The following CNKSR3 variants were observed in gnomAD, a reference collection of about 807,000 sequenced individuals.
CNKSR3 encodes the protein CNKSR family member 3.
Under a neutral mutation model 67.7 loss-of-function variants are expected in CNKSR3, and 36 were observed. The ratio of observed to expected loss-of-function variants is 0.53; its 90% confidence interval spans 0.41 to 0.70. The LOEUF (loss-of-function observed/expected upper bound fraction) is 0.70. CNKSR3 is among the 30% of genes least tolerant of loss of function. The pLI is 0.00. For missense variants in CNKSR3, 630 were observed against 695.2 expected, an observed-to-expected ratio of 0.91 and a Z score of 1.05; for synonymous variants, 281 against 271.4, an observed-to-expected ratio of 1.04 and a Z score of -0.35.
At chr6:154,506,877 G>A (rs887301859) in intron 1 of CNKSR3, among the ~76,000 whole-genome samples, 4 of 152,178 alleles carry the variant, frequency 2.6e-5, no homozygotes, top group South Asian at 2.1e-4. Flanking sequence ...AGACTCCTCC[G>A]CTACCATATG....
intron 1 of CNKSR3, among the ~76,000 whole-genome samples, chr6:154,473,745 T>G (rs1786381342): frequency 6.6e-6 from 1 of 152,054 alleles, no homozygotes; most frequent in Non-Finnish European, 1.5e-5. Flanking sequence ...GCTGTGCAAC[T>G]TAGACAATCA....
chr6:154,439,872 C>T (rs1582861290), intron 4 of CNKSR3, among the ~76,000 whole-genome samples: 2 of 152,128 alleles, frequency 1.3e-5, no homozygotes, highest in South Asian at 4.1e-4. Context: ...ACCTAAGCAA[C>T]AGAGTGAGAC....
rs149496201 is a variant in CNKSR3, at chr6:154,389,501, T to C, written c.*16853A>G. ...TGTTTTGATTACTGTAGTTTTGTTA[T>C]ACATTCTGAAATCAAGCAATGTGAT... is the stretch of plus-strand genomic sequence containing the variant. On this transcript the variant is annotated 3_prime_UTR_variant, in exon 13 of 13. Transcript: ENST00000607772. The C allele has an allele frequency of 1.1e-4, 17 of 152,350 alleles. No individual in the cohort carries two copies. The highest frequency in any genetic ancestry group is 1.8e-4 in the Non-Finnish European group (12 of 68,034). The allele number at this position is 152,350 out of a possible 1,614,324, so 9.4% of individuals were successfully genotyped here.
Position 154,410,379 on chromosome 6 carries a change from C to T in CNKSR3, c.1333G>A (p.Asp445Asn). The change falls in exon 12 of 13, where the codon GAC becomes AAC. Residue 445 changes from aspartate to asparagine, a missense_variant. This residue lies in a region of CNKSR3 where 308 missense variants were observed against 299.6 expected (regional missense o/e 1.03). Coordinates refer to ENST00000607772, the MANE Select transcript of CNKSR3 (RefSeq NM_173515.4). ...TGACCTCGAGGTCTGGCAAAAGGGT[C>T]CACAATCCCCATCCAGTTCCCATCA... ...PADGNWMGIV[D>N]PFARPRGHGR... is the part of the protein sequence containing the mutation. 3 of 1,614,092 alleles carry T rather than the reference C, an allele frequency of 1.9e-6. No individual in the cohort carries two copies. The highest frequency in any genetic ancestry group is 2.5e-6 in the Non-Finnish European group (3 of 1,179,986).
chr6:154,498,556 A>G (rs1450486313), intron 1 of CNKSR3, among the ~76,000 whole-genome samples: 4 of 152,134 alleles, frequency 2.6e-5, no homozygotes, highest in Admixed American at 2.6e-4. Flanking sequence ...TCACGCCCCC[A>G]CACTGCAACT....
At chr6:154,509,711 G>A (rs909883405) in intron 1 of CNKSR3, among the ~76,000 whole-genome samples, 2 of 152,226 alleles carry the variant, frequency 1.3e-5, no homozygotes, top group South Asian at 2.1e-4. Flanking sequence ...GGGCCCCCGG[G>A]TCGCCGGGCA....
chr6:154,426,999 G>T (rs1034347792), intron 7 of CNKSR3, among the ~76,000 whole-genome samples: 2 of 152,098 alleles, frequency 1.3e-5, no homozygotes, highest in African/African-American at 4.8e-5. Flanking sequence ...ACCATCCCCA[G>T]CCTAAAAGCA....
intron 1 of CNKSR3, among the ~76,000 whole-genome samples, chr6:154,459,864 C>G (rs1786042084): frequency 6.6e-6 from 1 of 151,954 alleles, no homozygotes; most frequent in African/African-American, 2.4e-5. Context: ...CAGAAAACAA[C>G]AGTCAGACGG....
At chr6:154,423,351 C>A (rs946983531) in intron 7 of CNKSR3, among the ~76,000 whole-genome samples, 1 of 152,200 alleles carries the variant, frequency 6.6e-6, no homozygotes, top group Non-Finnish European at 1.5e-5. Flanking sequence ...GCAACCTCCA[C>A]TTCCTGGGTT....
chr6:154,486,716 A>T (rs1222354583), intron 1 of CNKSR3, among the ~76,000 whole-genome samples: 1 of 150,232 alleles, frequency 6.7e-6, no homozygotes, highest in Non-Finnish European at 1.5e-5. Context: ...CTGGTCTCGA[A>T]CTCCTGACCT....
At chr6:154,465,033 C>T (rs768695992) in intron 1 of CNKSR3, among the ~76,000 whole-genome samples, 15 of 149,130 alleles carry the variant, frequency 1.0e-4, no homozygotes, top group Admixed American at 4.1e-4. Context: ...CCCAGCTACT[C>T]GGGAGGCTGA....
intron 1 of CNKSR3, among the ~76,000 whole-genome samples, chr6:154,479,950 G>T (rs1158707095): frequency 6.6e-6 from 1 of 152,200 alleles, no homozygotes; most frequent in Admixed American, 6.5e-5. Flanking sequence ...TGAACAGACT[G>T]GGGGTTTAAC....
intron 1 of CNKSR3, among the ~76,000 whole-genome samples, chr6:154,488,796 G>A (rs1312092913): frequency 1.3e-5 from 2 of 152,180 alleles, no homozygotes; most frequent in African/African-American, 2.4e-5. Context: ...GGTGACAGGA[G>A]CAGAAAAATT....
intron 2 of CNKSR3, among the ~76,000 whole-genome samples, chr6:154,442,722 A>T (rs1027425902): frequency 6.6e-6 from 1 of 151,276 alleles, no homozygotes; most frequent in Admixed American, 6.6e-5. Flanking sequence ...CAACCACAAA[A>T]CCCTATGTGA....
chr6:154,449,959 G>A, intron 2 of CNKSR3, 136 bp downstream of exon 2: 1 of 869,602 alleles, frequency 1.1e-6, no homozygotes. Flanking sequence ...CCTTCCTATA[G>A]TATCTTCAGC....
chr6:154,497,403 AAGAG>A (rs143796696), intron 1 of CNKSR3, among the ~76,000 whole-genome samples: 3 of 150,482 alleles, frequency 2.0e-5, no homozygotes, highest in African/African-American at 4.9e-5. Context: ...AAACGAGAGA[AAGAG>A]AGAGAGAGAG....
chr6:154,415,212 G>C (rs1380882586), intron 9 of CNKSR3, among the ~76,000 whole-genome samples: 1 of 127,108 alleles, frequency 7.9e-6, no homozygotes, highest in Non-Finnish European at 1.6e-5. Context: ...ATCCTGGCTA[G>C]ACTTACTAGC....
At chr6:154,462,599 T>G (rs911505591) in intron 1 of CNKSR3, among the ~76,000 whole-genome samples, 6 of 152,144 alleles carry the variant, frequency 3.9e-5, no homozygotes, top group African/African-American at 1.4e-4. Flanking sequence ...CATCTCCATC[T>G]CCGGCCACAT....
intron 5 of CNKSR3, among the ~76,000 whole-genome samples, chr6:154,431,688 C>G (rs1785372285): frequency 6.6e-6 from 1 of 152,034 alleles, no homozygotes; most frequent in Non-Finnish European, 1.5e-5. Context: ...GAACCCCTGG[C>G]AAACATAGAT....
Sources: allele counts gnomAD v4.1 joint callset (sites outside exome capture counted in the v4.1 genomes callset), GRCh38; gene constraint gnomAD v4.1.1; regional missense constraint gnomAD v4.1.1; transcripts MANE v1.5; gene names NCBI Gene and HGNC (gene_info 2026-07-23, HGNC 2026-07-21).